The following SLC36A1 variants were observed in gnomAD, a reference collection of about 807,000 sequenced individuals.
SLC36A1 encodes the protein solute carrier family 36 member 1, also known as proton-coupled amino acid transporter 1.
A neutral mutation model predicts 47.5 loss-of-function variants in SLC36A1; 30 were observed. The observed-to-expected ratio is 0.63, with a 90% confidence interval of 0.47 to 0.86. The LOEUF is 0.86. SLC36A1 is among the 40% of genes least tolerant of loss of function. The pLI, the probability that SLC36A1 is intolerant of heterozygous loss-of-function variation, is 0.00. For synonymous variants in SLC36A1, 255 were observed against 249.7 expected (o/e 1.02, Z -0.20); for missense variants, 517 against 606.0 (o/e 0.85, Z 1.54).
At chr5:151,452,643 T>A (rs1239796079) in intron 1 of SLC36A1, among the ~76,000 whole-genome samples, 6 of 152,014 alleles carry the variant, frequency 3.9e-5, no homozygotes, top group Non-Finnish European at 5.9e-5. Flanking sequence ...CTGAGACAGG[T>A]GGATCCCTTG....
chr5:151,545,371 T>C, the SLC36A1 span: 2 of 1,614,168 alleles, frequency 1.2e-6, no homozygotes, highest in South Asian at 1.1e-5. Flanking sequence ...AGTGACAGGA[T>C]GGATGGTAAC....
At chr5:151,456,872 C>T (rs1017150412) in intron 1 of SLC36A1, among the ~76,000 whole-genome samples, 4 of 152,130 alleles carry the variant, frequency 2.6e-5, no homozygotes, top group Admixed American at 1.3e-4. Flanking sequence ...GGAGAGCCTT[C>T]GGCGGAGCAC....
At chr5:151,368,253 T>C in the SLC36A1 span, among the ~76,000 whole-genome samples, 1 of 152,202 alleles carries the variant, frequency 6.6e-6, no homozygotes, top group South Asian at 2.1e-4. Flanking sequence ...TCATCAATCA[T>C]AAACTGTGCT....
chr5:151,441,003 A>T (rs1752592603), intron 1 of SLC36A1, among the ~76,000 whole-genome samples: 1 of 152,204 alleles, frequency 6.6e-6, no homozygotes, highest in Non-Finnish European at 1.5e-5. Context: ...TTCAAAATGC[A>T]GATTGCTGTG....
chr5:151,487,781 G>A (rs115664251), intron 10 of SLC36A1, among the ~76,000 whole-genome samples: 1 of 152,234 alleles, frequency 6.6e-6, no homozygotes, highest in Admixed American at 6.5e-5. Context: ...TCCGGTCCCA[G>A]TTCTGCTGAC....
downstream of SLC36A1, among the ~76,000 whole-genome samples, chr5:151,494,970 G>T (rs1760296773): frequency 6.6e-6 from 1 of 152,134 alleles, no homozygotes; most frequent in African/African-American, 2.4e-5. Context: ...CTCATGTACA[G>T]GTCTTTGTGT....
At chr5:151,538,426 A>G in the SLC36A1 span, among the ~76,000 whole-genome samples, 1 of 152,180 alleles carries the variant, frequency 6.6e-6, no homozygotes, top group South Asian at 2.1e-4. Context: ...CCGTATCCCC[A>G]GGACAGACCC....
downstream of SLC36A1, among the ~76,000 whole-genome samples, chr5:151,493,069 G>A (rs757859707): frequency 1.6e-4 from 25 of 152,090 alleles, no homozygotes; most frequent in Admixed American, 2.6e-4. Flanking sequence ...TGAAGAAACC[G>A]GACACAACAG....
At chr5:151,468,267 ATATAT>A (rs1219899965) in intron 7 of SLC36A1, among the ~76,000 whole-genome samples, 623 of 50,776 alleles carry the variant, frequency 0.012, 32 homozygotes, top group African/African-American at 0.065. Context: ...AAAAAAAAAA[ATATAT>A]ATATATATAT....
At chr5:151,553,196 G>A in the SLC36A1 span, 15 of 1,614,266 alleles carry the variant, frequency 9.3e-6, no homozygotes, top group Non-Finnish European at 1.2e-5. Context: ...TGAACCAGAA[G>A]AGTCCGGGTC....
chr5:151,512,070 C>T, the SLC36A1 span: 1 of 1,203,154 alleles, frequency 8.3e-7, no homozygotes, highest in Admixed American at 2.5e-5. The surrounding 1 kb of genome is among the most constrained non-coding windows in gnomAD (Gnocchi z 4.1). Context: ...AATTTGGAAC[C>T]AGGAGGCTCT....
At chr5:151,442,598 C>G (rs546790559) in intron 1 of SLC36A1, among the ~76,000 whole-genome samples, 19 of 152,270 alleles carry the variant, frequency 1.2e-4, no homozygotes, top group Admixed American at 1.0e-3. Context: ...TCCTATCTAG[C>G]TGTAATTTTG....
the SLC36A1 span, among the ~76,000 whole-genome samples, chr5:151,392,023 G>A: frequency 2.6e-5 from 4 of 152,074 alleles, no homozygotes; most frequent in African/African-American, 9.7e-5. Context: ...CTGTGAATCG[G>A]TCTGGTCCTG....
At chr5:151,449,422 C>T (rs1157644345) in intron 1 of SLC36A1, among the ~76,000 whole-genome samples, 2 of 152,194 alleles carry the variant, frequency 1.3e-5, no homozygotes, top group African/African-American at 4.8e-5. Context: ...ATGGAGGCTA[C>T]GTGCAGCAGA....
At chr5:151,383,906 T>C in the SLC36A1 span, among the ~76,000 whole-genome samples, 4 of 152,126 alleles carry the variant, frequency 2.6e-5, no homozygotes, top group African/African-American at 9.7e-5. Context: ...ACATGTTACT[T>C]GTTTAAGGTA....
chr5:151,411,999 C>T, the SLC36A1 span, among the ~76,000 whole-genome samples: 1 of 144,896 alleles, frequency 6.9e-6, no homozygotes, highest in Non-Finnish European at 1.5e-5. Flanking sequence ...ATGTAAGCAA[C>T]AAACTATGAC....
chr5:151,413,036 A>G, the SLC36A1 span, among the ~76,000 whole-genome samples: 2 of 143,068 alleles, frequency 1.4e-5, 1 homozygote, highest in Middle Eastern at 6.6e-3. Context: ...GATTATTGCT[A>G]AATGTTTATC....
At chr5:151,523,238 G>A in the SLC36A1 span, among the ~76,000 whole-genome samples, 2 of 152,076 alleles carry the variant, frequency 1.3e-5, no homozygotes, top group African/African-American at 4.8e-5. Context: ...TAATTATAAT[G>A]TATAGCTAAC....
intron 2 of SLC36A1, among the ~76,000 whole-genome samples, chr5:151,460,341 T>C (rs946146875): frequency 1.3e-5 from 2 of 152,270 alleles, no homozygotes; most frequent in African/African-American, 4.8e-5. Context: ...TTTATGTTTA[T>C]AGAGACATCT....
Sources: allele counts gnomAD v4.1 joint callset (sites outside exome capture counted in the v4.1 genomes callset), GRCh38; gene constraint gnomAD v4.1.1; non-coding constraint Gnocchi (gnomAD v3.1); transcripts MANE v1.5; gene names NCBI Gene and HGNC (gene_info 2026-07-23, HGNC 2026-07-21).